Variants in CAMK4 observed in about 807,000 individuals in gnomAD.
CAMK4 encodes the protein calcium/calmodulin dependent protein kinase IV.
A neutral mutation model predicts 44.9 loss-of-function variants in CAMK4; 22 were observed. The observed-to-expected ratio is 0.49, with a 90% confidence interval of 0.35 to 0.70. CAMK4 has a LOEUF of 0.70. Among genes scored for constraint, CAMK4 ranks in the 30% least tolerant of loss-of-function variants. The pLI is 0.01. For synonymous variants in CAMK4, 218 were observed against 215.4 expected, an observed-to-expected ratio of 1.01 and a Z score of -0.11; for missense variants, 498 against 586.8, an observed-to-expected ratio of 0.85 and a Z score of 1.56.
intron 1 of CAMK4, among the ~76,000 whole-genome samples, chr5:111,247,315 T>C (rs1257818129): frequency 1.4e-5 from 2 of 147,676 alleles, no homozygotes; most frequent in East Asian, 3.9e-4. Context: ...TATTTTTATA[T>C]TTTATATTTA....
intron 5 of CAMK4, among the ~76,000 whole-genome samples, chr5:111,430,925 C>T (rs1353826487): frequency 6.6e-6 from 1 of 152,062 alleles, no homozygotes. Flanking sequence ...ATACAAATGA[C>T]ATTCTGTACA....
intron 4 of CAMK4, among the ~76,000 whole-genome samples, chr5:111,380,155 CA>C (rs1325311191): frequency 2.6e-5 from 4 of 152,032 alleles, no homozygotes; most frequent in Non-Finnish European, 4.4e-5. Context: ...TTTTTTCCCT[CA>C]AAAATGACTA....
chr5:111,363,107 GC>G (rs749089661), intron 2 of CAMK4, among the ~76,000 whole-genome samples: 12 of 152,028 alleles, frequency 7.9e-5, no homozygotes, highest in Admixed American at 2.6e-4. Flanking sequence ...ATCAGTACTT[GC>G]TGCAGTGGAT....
At chr5:111,296,669 G>A (rs1289987379) in intron 1 of CAMK4, among the ~76,000 whole-genome samples, 2 of 152,178 alleles carry the variant, frequency 1.3e-5, no homozygotes, top group Non-Finnish European at 2.9e-5. Flanking sequence ...TGGGCTTAGG[G>A]TGAAAAGGAA....
At chr5:111,334,882 C>G (rs1749331006) in intron 1 of CAMK4, among the ~76,000 whole-genome samples, 1 of 151,320 alleles carries the variant, frequency 6.6e-6, no homozygotes. Context: ...ACTTTGTAAC[C>G]AAGCATCTTC....
intron 6 of CAMK4, 24 bp from the exon 7 acceptor site, chr5:111,449,105 T>C (rs768221024): frequency 2.6e-5 from 28 of 1,083,192 alleles, no homozygotes; most frequent in Non-Finnish European, 3.8e-5. Context: ...CGTGCTTCAT[T>C]AAATTTTTTT....
At chr5:111,330,480 T>C (rs926687974) in intron 1 of CAMK4, among the ~76,000 whole-genome samples, 2 of 121,060 alleles carry the variant, frequency 1.7e-5, no homozygotes, top group Non-Finnish European at 1.7e-5. Flanking sequence ...TTTCTTTTTT[T>C]GTTGTTGTTG....
At chr5:111,408,253 T>A (rs1398123097) in intron 5 of CAMK4, among the ~76,000 whole-genome samples, 1 of 152,200 alleles carries the variant, frequency 6.6e-6, no homozygotes, top group Non-Finnish European at 1.5e-5. Flanking sequence ...ATGCTGCTAA[T>A]AAAGATATAG....
intron 8 of CAMK4, among the ~76,000 whole-genome samples, chr5:111,476,566 C>A (rs761674500): frequency 6.6e-6 from 1 of 151,704 alleles, no homozygotes; most frequent in Non-Finnish European, 1.5e-5. Context: ...TGTGACCCAC[C>A]GCGCATGGCC....
At chr5:111,383,240 A>G (rs943676650) in intron 4 of CAMK4, among the ~76,000 whole-genome samples, 5 of 152,214 alleles carry the variant, frequency 3.3e-5, no homozygotes, top group Non-Finnish European at 5.9e-5. Flanking sequence ...CTAGAGTCAG[A>G]TAAACGGATT....
Position 111,394,792 on chromosome 5 carries a change from A to T in CAMK4, c.459+10A>T. 1 of 1,552,168 alleles carries T rather than the reference A, an allele frequency of 6.4e-7. No homozygotes were observed. The highest frequency in any genetic ancestry group is 1.1e-5 in the South Asian group (1 of 89,660). On this transcript the variant is annotated intron_variant, in intron 5 of 10. Transcript: ENST00000282356. Reference sequence around the variant, plus strand: ...CCTGGAGGCAGTTGCTGTAAGTATGAAGTAACAGCAATGGTGTAACTCTTA... The same window carrying T: ...CCTGGAGGCAGTTGCTGTAAGTATGTAGTAACAGCAATGGTGTAACTCTTA...
At chr5:111,452,501 AT>A (rs1754271927) in intron 7 of CAMK4, among the ~76,000 whole-genome samples, 1 of 152,186 alleles carries the variant, frequency 6.6e-6, no homozygotes, top group African/African-American at 2.4e-5. Flanking sequence ...CAAATTAGCT[AT>A]TGTAAATGCT....
Position 111,344,199 on chromosome 5 carries a change from G to T in CAMK4, c.240+97G>T, listed in dbSNP as rs984508213. ...AGAACAAAGGGGCCAGAGAGCTGCTGTGTGCAAATAACCCATTTGACTCTT... is the reference window on the plus strand; with the variant it reads ...AGAACAAAGGGGCCAGAGAGCTGCTTTGTGCAAATAACCCATTTGACTCTT... On this transcript the variant is annotated intron_variant, in intron 2 of 10. Coordinates refer to ENST00000282356, the MANE Select transcript of CAMK4 (RefSeq NM_001744.6). 3 of 708,092 alleles carry T rather than the reference G, an allele frequency of 4.2e-6. No individual in the cohort carries two copies. In the Admixed American group the frequency reaches 7.3e-5, roughly 17 times the overall value. The allele number at this position is 708,092 out of a possible 1,614,324, so 43.9% of individuals were successfully genotyped here.
At chr5:111,310,558 G>A (rs1002102307) in intron 1 of CAMK4, among the ~76,000 whole-genome samples, 4 of 152,164 alleles carry the variant, frequency 2.6e-5, no homozygotes, top group African/African-American at 9.7e-5. Flanking sequence ...TTTGACAGCA[G>A]TGTGGAAGAT....
intron 1 of CAMK4, among the ~76,000 whole-genome samples, chr5:111,238,621 G>A (rs1015569737): frequency 6.6e-6 from 1 of 150,792 alleles, no homozygotes; most frequent in Admixed American, 6.6e-5. Context: ...AGACAGCCCT[G>A]TACCCTTTTC....
chr5:111,285,327 T>G (rs1441996935), intron 1 of CAMK4, among the ~76,000 whole-genome samples: 1 of 152,236 alleles, frequency 6.6e-6, no homozygotes, highest in Non-Finnish European at 1.5e-5. Flanking sequence ...AATTTATGGT[T>G]TTATAGATTC....
At chr5:111,400,216 A>G (rs1465590868) in intron 5 of CAMK4, among the ~76,000 whole-genome samples, 3 of 152,180 alleles carry the variant, frequency 2.0e-5, no homozygotes, top group Non-Finnish European at 4.4e-5. Context: ...TAAAAATCAG[A>G]TTTTCTCTGA....
intron 5 of CAMK4, among the ~76,000 whole-genome samples, chr5:111,431,562 A>T (rs1484844899): frequency 6.6e-6 from 1 of 152,116 alleles, no homozygotes; most frequent in East Asian, 1.9e-4. Flanking sequence ...CAGTCAAGAA[A>T]GTGAAGAGAC....
At chr5:111,419,358 A>T (rs546904938) in intron 5 of CAMK4, among the ~76,000 whole-genome samples, 2 of 152,164 alleles carry the variant, frequency 1.3e-5, no homozygotes, top group South Asian at 4.2e-4. Flanking sequence ...TTGTCAGATG[A>T]GTAGGTTGTG....
Sources: allele counts gnomAD v4.1 joint callset (sites outside exome capture counted in the v4.1 genomes callset), GRCh38; gene constraint gnomAD v4.1.1; transcripts MANE v1.5; gene names NCBI Gene and HGNC (gene_info 2026-07-23, HGNC 2026-07-21).